Variants in ARHGEF15 observed in about 807,000 individuals in gnomAD.
ARHGEF15 encodes the protein Rho guanine nucleotide exchange factor (GEF) 15.
In ARHGEF15, 58 loss-of-function variants were observed where a neutral mutation model predicts 79.7. The ratio of observed to expected loss-of-function variants is 0.73; its 90% confidence interval spans 0.59 to 0.91. The LOEUF is 0.91. Ranked by LOEUF, ARHGEF15 falls within the 40% of genes least tolerant of loss-of-function variation. The pLI is 0.00. For synonymous variants in ARHGEF15, 442 were observed against 456.0 expected (o/e 0.97, Z 0.39); for missense variants, 1,012 against 1,108.1 (o/e 0.91, Z 1.23).
chr17:8,317,676 GA>G (rs1168506558), intron 9 of ARHGEF15, among the ~76,000 whole-genome samples: 1 of 152,170 alleles, frequency 6.6e-6, no homozygotes, highest in Non-Finnish European at 1.5e-5. Context: ...AGGTCATACA[GA>G]AATAATTGAT....
intron 15 of ARHGEF15, among the ~76,000 whole-genome samples, chr17:8,320,363 C>T (rs1418952286): frequency 6.6e-6 from 1 of 151,518 alleles, no homozygotes; most frequent in Non-Finnish European, 1.5e-5. Flanking sequence ...CCGAGGTGGA[C>T]CTCACTGAGA....
Position 8,318,965 on chromosome 17 carries a change from G to A in ARHGEF15, c.2034-42G>A, listed in dbSNP as rs183082524. 1.3e-5 allele frequency: 21 copies of A among 1,609,070 alleles called. No homozygotes were observed. Among genetic ancestry groups the A allele is most frequent in the East Asian group, 4.5e-5 (2 of 44,806 alleles). On this transcript the variant is annotated intron_variant, in intron 12 of 15. Transcript: ENST00000361926. This position sits in a 1 kb window ranked among gnomAD's most constrained non-coding sequence, Gnocchi z 5.0. ...CTGGAGTGGGCAGGAGGGGTCCAGC[G>A]GGACCCCTGCTGTCCTTCTGAACGA... is the stretch of plus-strand genomic sequence containing the variant.
intron 15 of ARHGEF15, among the ~76,000 whole-genome samples, chr17:8,320,354 C>T (rs1905303159): frequency 1.3e-5 from 2 of 151,420 alleles, no homozygotes; most frequent in South Asian, 2.1e-4. Context: ...ATAGGGAGGC[C>T]GAGGTGGACC....
In ARHGEF15 at chr17:8,315,569, C is replaced by T. The variant is rs1390800460; in HGVS notation, c.1416C>T (p.Ser472=). 6 of 1,607,858 alleles carry T rather than the reference C, an allele frequency of 3.7e-6. No homozygotes were observed. The highest frequency in any genetic ancestry group is 4.2e-6 in the Non-Finnish European group (5 of 1,179,978). ...ATGTGCAGCGAGTCCAGGGAGTCAGCGAGCGGTCAGTGGCTTTCCGTCCTT... is the reference window on the plus strand; with the variant it reads ...ATGTGCAGCGAGTCCAGGGAGTCAGTGAGCGGTCAGTGGCTTTCCGTCCTT... The part of the protein sequence containing the change: ...FSNVQRVQGV[S]ERFLATLLSR... Residue 472 remains serine, a synonymous_variant, in exon 7 of 16, where the codon AGC becomes AGT. Coordinates refer to ENST00000361926, the MANE Select transcript of ARHGEF15 (RefSeq NM_173728.4). This position sits in a 1 kb window ranked among gnomAD's most constrained non-coding sequence, Gnocchi z 4.3.
intron 9 of ARHGEF15, 150 bp downstream of exon 9, chr17:8,316,298 C>A: frequency 7.7e-7 from 1 of 1,293,552 alleles, no homozygotes; most frequent in Non-Finnish European, 1.0e-6. Flanking sequence ...GGTCTCTCAG[C>A]CTAGGACTCA....
chr17:8,312,258 T>A lies in ARHGEF15; in HGVS notation c.219T>A (p.Pro73=). 1 of 1,292,694 alleles carries A rather than the reference T, an allele frequency of 7.7e-7. No individual in the cohort carries two copies. The highest frequency in any genetic ancestry group is 1.0e-6 in the Non-Finnish European group (1 of 980,734). 80.1% of individuals were successfully genotyped at this position (1,292,694 alleles called of 1,614,324 possible). The change falls in exon 2 of 16, where the codon CCT becomes CCA. Residue 73 remains proline, a synonymous_variant. Transcript: ENST00000361926. ...WEPPAASLKP[P]ALLPPSASRA... is the part of the protein sequence containing the mutation. ...CCCCAGCTGCATCCCTCAAGCCCCC[T>A]GCTCTTTTGCCCCCCTCAGCTTCTA...
In ARHGEF15 at chr17:8,315,222, T is replaced by G; in HGVS notation, c.1205T>G (p.Val402Gly). 6.2e-7 allele frequency: 1 copy of G among 1,613,500 alleles called. No homozygotes were observed. The highest frequency in any genetic ancestry group is 8.5e-7 in the Non-Finnish European group (1 of 1,179,866). Reference sequence around the variant, plus strand: ...ACCCTGTGGCAGGAGCTTCCGGCTGTGCAAGCCAGCGGTCTTCTGGATACC... The same window carrying G: ...ACCCTGTGGCAGGAGCTTCCGGCTGGGCAAGCCAGCGGTCTTCTGGATACC... ...RNTLWQELPA[V>G]QASGLLDTLS... The change falls in exon 6 of 16, where the codon GTG (valine) becomes GGG (glycine). Residue 402 changes from valine (V) to glycine (G), a missense_variant. This residue lies in a region of ARHGEF15 where 818 missense variants were observed against 882.5 expected (regional missense o/e 0.93). Coordinates refer to ENST00000361926, the MANE Select transcript of ARHGEF15 (RefSeq NM_173728.4). The surrounding 1 kb of genome is among the most constrained non-coding windows in gnomAD (Gnocchi z 4.3).
chr17:8,321,229 A>C lies in ARHGEF15; in HGVS notation c.*236A>C. Reference sequence around the variant, plus strand: ...CAATGGAGACAGAGGCTTAGTGCAGAGCAGCCAATGGGTACTGAGCTGGCT... The same window carrying C: ...CAATGGAGACAGAGGCTTAGTGCAGCGCAGCCAATGGGTACTGAGCTGGCT... On this transcript the variant is annotated 3_prime_UTR_variant, in exon 16 of 16. Coordinates refer to ENST00000361926, the MANE Select transcript of ARHGEF15 (RefSeq NM_173728.4). The C allele has an allele frequency of 1.8e-6, 1 of 564,614 alleles. No individual in the cohort carries two copies. Among genetic ancestry groups the C allele is most frequent in the Non-Finnish European group, 3.1e-6 (1 of 322,710 alleles). The allele number at this position is 564,614 out of a possible 1,614,324, so 35.0% of individuals were successfully genotyped here.
Position 8,313,558 on chromosome 17 carries a change from A to G in ARHGEF15, c.989+3A>G. ...CCTCCAGCAACTGTGGAGGGGAGGTACTGAACACCCCCACCCCTACTCCCT... is the reference window on the plus strand; with the variant it reads ...CCTCCAGCAACTGTGGAGGGGAGGTGCTGAACACCCCCACCCCTACTCCCT... On this transcript the variant is annotated splice_donor_region_variant and intron_variant, in intron 4 of 15. Transcript: ENST00000361926. 6.2e-7 allele frequency: 1 copy of G among 1,613,074 alleles called. No individual in the cohort carries two copies. Among genetic ancestry groups the G allele is most frequent in the Non-Finnish European group, 8.5e-7 (1 of 1,179,694 alleles).
In ARHGEF15 at chr17:8,312,203, C is replaced by T. The variant is rs764895048; in HGVS notation, c.164C>T (p.Thr55Ile). 1.2e-6 allele frequency: 2 copies of T among 1,600,708 alleles called. No homozygotes were observed. Among genetic ancestry groups the T allele is most frequent in the African/African-American group, 1.3e-5 (1 of 74,546 alleles). Residue 55 changes from threonine (T) to isoleucine (I), a missense_variant, in exon 2 of 16, where the codon ACC becomes ATC. Thr to Ile is a moderately conservative substitution (Grantham distance 89). This residue lies in a region of ARHGEF15 where 818 missense variants were observed against 882.5 expected (regional missense o/e 0.93). Coordinates refer to ENST00000361926, the MANE Select transcript of ARHGEF15 (RefSeq NM_173728.4). ...ELPRNSNDAP[T>I]PMCTPIFWEP... is the part of the protein sequence containing the mutation. Reference sequence around the variant, plus strand: ...CCCCGAAACTCCAATGATGCACCAACCCCAATGTGCACCCCCATCTTCTGG... The same window carrying T: ...CCCCGAAACTCCAATGATGCACCAATCCCAATGTGCACCCCCATCTTCTGG...
At chr17:8,313,709 C>T (rs1481423022) in intron 4 of ARHGEF15, 154 bp downstream of exon 4, 2 of 702,346 alleles carry the variant, frequency 2.8e-6, no homozygotes, top group Non-Finnish European at 2.3e-6. Context: ...TGTTTCGAAT[C>T]CCAGCTCTGG....
At chr17:8,312,842 A>G in intron 2 of ARHGEF15, 80 bp from the exon 3 acceptor site, 1 of 1,559,474 alleles carries the variant, frequency 6.4e-7, no homozygotes. Flanking sequence ...GTTGCTGGGC[A>G]GGTTAAAGAT....
chr17:8,321,252 G>C lies in ARHGEF15; in HGVS notation c.*259G>C. 2.2e-6 allele frequency: 1 copy of C among 453,920 alleles called. No individual in the cohort carries two copies. The highest frequency in any genetic ancestry group is 3.9e-6 in the Non-Finnish European group (1 of 253,740). The allele number at this position is 453,920 out of a possible 1,614,324, so 28.1% of individuals were successfully genotyped here. A position where few individuals can be genotyped will look rare whatever the true frequency, so the allele number is the denominator to read the frequency against. Reference sequence around the variant, plus strand: ...AGAGCAGCCAATGGGTACTGAGCTGGCTGAGCCTATGGCCAATGAGTATTC... The same window carrying C: ...AGAGCAGCCAATGGGTACTGAGCTGCCTGAGCCTATGGCCAATGAGTATTC... On this transcript the variant is annotated 3_prime_UTR_variant, in exon 16 of 16. Transcript: ENST00000361926.
intron 1 of ARHGEF15, 85 bp from the exon 2 acceptor site, chr17:8,311,906 C>T: frequency 1.1e-6 from 1 of 912,290 alleles, no homozygotes; most frequent in South Asian, 2.0e-5. Flanking sequence ...TCCCTCCTGA[C>T]TTCAAAATCC....
chr17:8,314,580 G>T (rs910869188), intron 4 of ARHGEF15, among the ~76,000 whole-genome samples: 1 of 151,902 alleles, frequency 6.6e-6, no homozygotes, highest in Non-Finnish European at 1.5e-5. Context: ...TAGTTCAGGG[G>T]CTCCTCTCTA....
Position 8,313,204 on chromosome 17 carries a change from AC to A in ARHGEF15, c.890del (p.Pro297HisfsTer39), listed in dbSNP as rs771155816. On this transcript the variant is annotated frameshift_variant, in exon 3 of 16. Coordinates refer to ENST00000361926, the MANE Select transcript of ARHGEF15 (RefSeq NM_173728.4). LOFTEE classifies it high-confidence loss of function. ...AGGCAGGATGCCACCATTTTCGGGG[AC>A]CCCCCACAGCCAGATCTTGATCTGC... is the stretch of plus-strand genomic sequence containing the variant. ...RVRQDATIFG[D>X]PPQPDLDLLS... is the part of the protein sequence containing the mutation. 1 of 1,607,222 alleles carries A rather than the reference AC, an allele frequency of 6.2e-7. No homozygotes were observed. The highest frequency in any genetic ancestry group is 8.5e-7 in the Non-Finnish European group (1 of 1,179,904).
Position 8,312,573 on chromosome 17 carries a change from A to G in ARHGEF15, c.534A>G (p.Arg178=). 6.2e-7 allele frequency: 1 copy of G among 1,611,132 alleles called. No individual in the cohort carries two copies. The highest frequency in any genetic ancestry group is 8.5e-7 in the Non-Finnish European group (1 of 1,178,678). Residue 178 remains arginine, a synonymous_variant, in exon 2 of 16, where the codon AGA becomes AGG. Transcript: ENST00000361926. ...CCCCGGAGCCAGGTCTCCAAGCGAG[A>G]GCAGATGTGAATGGGGAGAGAGAAG... ...ADAPEPGLQA[R]ADVNGEREAP...
At position 8,312,518 on chromosome 17, in the gene ARHGEF15, G is replaced by A. The variant is rs536796205; in HGVS notation, c.479G>A (p.Gly160Asp). The change falls in exon 2 of 16, where the codon GGT (glycine) becomes GAT (aspartate). Residue 160 changes from glycine to aspartate, a missense_variant. By Grantham distance (94) the Gly-to-Asp change is moderately conservative. Coordinates refer to ENST00000361926, the MANE Select transcript of ARHGEF15 (RefSeq NM_173728.4). ...AGGCTGGCTGGCAGGTTTGAAGGGGGTGCTGAAGGCCGGGCTCAGGATGCA... is the reference window on the plus strand; with the variant it reads ...AGGCTGGCTGGCAGGTTTGAAGGGGATGCTGAAGGCCGGGCTCAGGATGCA... ...VRRLAGRFEG[G>D]AEGRAQDADA... The A allele has an allele frequency of 4.3e-6, 7 of 1,611,398 alleles. No homozygotes were observed. The highest frequency in any genetic ancestry group is 1.1e-5 in the South Asian group (1 of 90,786).
chr17:8,316,050 C>G lies in ARHGEF15; in HGVS notation c.1606C>G (p.Arg536Gly). ...DTNVRFSAEL[R>G]RLQSLPKCER... ...CAACGTGCGCTTCTCCGCCGAGCTGCGCCGGCTGCAGAGCCTCCCTAAGTG... is the reference window on the plus strand; with the variant it reads ...CAACGTGCGCTTCTCCGCCGAGCTGGGCCGGCTGCAGAGCCTCCCTAAGTG... The change falls in exon 9 of 16, where the codon CGC (arginine) becomes GGC (glycine). Residue 536 changes from arginine to glycine, a missense_variant. This residue lies in a region of ARHGEF15 where 818 missense variants were observed against 882.5 expected (regional missense o/e 0.93). Coordinates refer to ENST00000361926, the MANE Select transcript of ARHGEF15 (RefSeq NM_173728.4). 1.2e-6 allele frequency: 2 copies of G among 1,603,418 alleles called. No individual in the cohort carries two copies. Among genetic ancestry groups the G allele is most frequent in the South Asian group, 2.2e-5 (2 of 90,986 alleles).
Sources: gnomAD v4.1 joint callset for allele counts (sites outside exome capture counted in the v4.1 genomes callset) on GRCh38, gnomAD v4.1.1 for gene constraint, gnomAD v4.1.1 regional missense constraint, Gnocchi (gnomAD v3.1) non-coding constraint, MANE v1.5 for transcripts, NCBI Gene and HGNC (gene_info 2026-07-23, HGNC 2026-07-21) for gene names.